HCN1: variants seen among roughly 807,000 people sequenced by gnomAD.
The protein encoded by HCN1 is hyperpolarization activated cyclic nucleotide gated potassium channel 1.
In HCN1, 13 loss-of-function variants were observed where a neutral mutation model predicts 78.9. The ratio of observed to expected loss-of-function variants is 0.16; its 90% CI spans 0.11 to 0.26. The LOEUF is 0.26. HCN1 is among the 10% of genes least tolerant of loss of function. The probability of loss-of-function intolerance (pLI) is 1.00; values close to 1 mark genes in which losing one functional copy is unlikely to be tolerated. For synonymous variants in HCN1, 552 were observed against 455.5 expected (o/e 1.21, Z -2.70); for missense variants, 810 against 1,154.3 (o/e 0.70, Z 4.32).
chr5:45,320,835 GA>G (rs1424648691), intron 5 of HCN1, among the ~76,000 whole-genome samples: 1 of 151,834 alleles, frequency 6.6e-6, no homozygotes, highest in Non-Finnish European at 1.5e-5. Flanking sequence ...ATCTGAATCT[GA>G]ATCCCTTTAT....
At chr5:45,338,429 G>T (rs539926016) in intron 5 of HCN1, among the ~76,000 whole-genome samples, 3 of 152,210 alleles carry the variant, frequency 2.0e-5, no homozygotes, top group African/African-American at 7.2e-5. Context: ...ACATAAAATT[G>T]AATTTATGAT....
intron 3 of HCN1, among the ~76,000 whole-genome samples, chr5:45,458,277 A>T (rs1434876198): frequency 1.3e-5 from 2 of 151,952 alleles, no homozygotes; most frequent in Non-Finnish European, 2.9e-5. Context: ...AATATTTAAG[A>T]ATAAAAATAA....
chr5:45,409,709 T>C lies in HCN1; in HGVS notation c.1012-12999A>G, dbSNP rs1399911623. Among the ~76,000 whole-genome samples, 3 of 152,108 alleles carry C rather than the reference T, an allele frequency of 2.0e-5. No individual in the cohort carries two copies. The East Asian group carries it at 5.8e-4, about 29-fold the overall frequency. On this transcript the variant is annotated intron_variant, in intron 3 of 7. Coordinates refer to ENST00000303230, the MANE Select transcript of HCN1 (RefSeq NM_021072.4). The stretch of plus-strand genomic sequence containing the variant: ...TAAAATAAAATAGTGGCACATTAAA[T>C]ATTTTTATGGTAGACTGACTTTTAT...
chr5:45,271,150 C>T (rs942978767), intron 6 of HCN1, among the ~76,000 whole-genome samples: 12 of 152,002 alleles, frequency 7.9e-5, no homozygotes, highest in Non-Finnish European at 4.4e-5. Context: ...TTCTATGTTG[C>T]CATCTCAGTA....
chr5:45,537,812 G>T (rs1456762313), intron 2 of HCN1, among the ~76,000 whole-genome samples: 16 of 151,602 alleles, frequency 1.1e-4, no homozygotes, highest in Admixed American at 3.9e-4. Flanking sequence ...TCTTTGTGCT[G>T]TTAGCCATTT....
intron 5 of HCN1, among the ~76,000 whole-genome samples, chr5:45,318,531 G>T (rs1746050351): frequency 6.6e-6 from 1 of 151,758 alleles, no homozygotes; most frequent in East Asian, 1.9e-4. Context: ...CCTGCACGTT[G>T]TGCACATGTA....
At chr5:45,593,324 T>TCTCTCTCC (rs1744420788) in intron 2 of HCN1, among the ~76,000 whole-genome samples, 5 of 119,026 alleles carry the variant, frequency 4.2e-5, no homozygotes, top group African/African-American at 1.7e-4. Flanking sequence ...TCTCTCTCCC[T>TCTCTCTCC]CTCTCTCTCT....
intron 5 of HCN1, among the ~76,000 whole-genome samples, chr5:45,309,727 T>C (rs541389684): frequency 2.0e-5 from 3 of 152,288 alleles, no homozygotes; most frequent in African/African-American, 7.2e-5. Context: ...ACTTGAGTTT[T>C]GGTGGATAAG....
intron 4 of HCN1, among the ~76,000 whole-genome samples, chr5:45,394,178 G>A (rs551149444): frequency 6.6e-6 from 1 of 152,294 alleles, no homozygotes; most frequent in African/African-American, 2.4e-5. Flanking sequence ...CTGACAACAT[G>A]TAAATAGTCT....
chr5:45,390,019 A>G (rs1403354127), intron 4 of HCN1, among the ~76,000 whole-genome samples: 1 of 152,142 alleles, frequency 6.6e-6, no homozygotes, highest in African/African-American at 2.4e-5. Context: ...CTATTGTTTC[A>G]TTCAAATTAG....
At chr5:45,279,613 G>C (rs1404141313) in intron 6 of HCN1, among the ~76,000 whole-genome samples, 1 of 152,000 alleles carries the variant, frequency 6.6e-6, no homozygotes, top group Non-Finnish European at 1.5e-5. Context: ...TAGTAGAATA[G>C]TGTAACAAAA....
chr5:45,361,596 A>G (rs1036752216), intron 4 of HCN1, among the ~76,000 whole-genome samples: 8 of 152,158 alleles, frequency 5.3e-5, no homozygotes, highest in African/African-American at 1.7e-4. Context: ...TTACAAGTAA[A>G]GCGTGTTATT....
chr5:45,422,397 T>A (rs1298223018), intron 3 of HCN1, among the ~76,000 whole-genome samples: 1 of 152,186 alleles, frequency 6.6e-6, no homozygotes, highest in Non-Finnish European at 1.5e-5. Context: ...CAGCTACGAA[T>A]CTTGCCGTGG....
chr5:45,544,607 C>A (rs1262712898), intron 2 of HCN1, among the ~76,000 whole-genome samples: 1 of 144,676 alleles, frequency 6.9e-6, no homozygotes, highest in Non-Finnish European at 1.5e-5. Flanking sequence ...CCCCTCCCCC[C>A]ATCCCACAAC....
At chr5:45,397,173 G>A in intron 3 of HCN1, among the ~76,000 whole-genome samples, 1 of 152,064 alleles carries the variant, frequency 6.6e-6, no homozygotes, top group Non-Finnish European at 1.5e-5. Flanking sequence ...TGATATAGCT[G>A]TATAGTCCTT....
chr5:45,471,732 T>C (rs922734218), intron 2 of HCN1, among the ~76,000 whole-genome samples: 24 of 151,970 alleles, frequency 1.6e-4, no homozygotes, highest in African/African-American at 4.8e-4. Context: ...ATAACTCAAA[T>C]CCATTAACTG....
Position 45,289,838 on chromosome 5 carries a change from G to T in HCN1, c.1618+13761C>A, listed in dbSNP as rs1406056267. On this transcript the variant is annotated intron_variant, in intron 6 of 7. Transcript: ENST00000303230. ...GAGCCTCAAAGTTCAAGATCAGGGT[G>T]CCAGCATGGTCAGGTTCTGATGAGG... is the stretch of plus-strand genomic sequence containing the variant. Among the ~76,000 whole-genome samples the T allele has an allele frequency of 2.6e-5, 4 of 152,146 alleles. No individual in the cohort carries two copies. The East Asian group carries it at 5.8e-4, about 22-fold the overall frequency.
intron 1 of HCN1, among the ~76,000 whole-genome samples, chr5:45,669,261 A>G (rs1002775974): frequency 1.3e-5 from 2 of 151,834 alleles, no homozygotes; most frequent in Non-Finnish European, 1.5e-5. Flanking sequence ...TTTGTGAGAG[A>G]AAAATTAGTA....
chr5:45,325,100 C>A (rs1217039860), intron 5 of HCN1, among the ~76,000 whole-genome samples: 2 of 151,616 alleles, frequency 1.3e-5, no homozygotes, highest in Non-Finnish European at 3.0e-5. Context: ...AAGGCCGTTG[C>A]CCCCATTATG....
Sources: allele counts gnomAD v4.1 joint callset (sites outside exome capture counted in the v4.1 genomes callset), GRCh38; gene constraint gnomAD v4.1.1; transcripts MANE v1.5; gene names NCBI Gene and HGNC (gene_info 2026-07-23, HGNC 2026-07-21).